Variants in SCAI observed in about 807,000 individuals in gnomAD.
SCAI encodes the protein suppressor of cancer cell invasion.
Under a neutral mutation model 92.2 loss-of-function variants are expected in SCAI, and 24 were observed. The ratio of observed to expected loss-of-function variants is 0.26; its 90% CI spans 0.19 to 0.37. The LOEUF (loss-of-function observed/expected upper bound fraction) is 0.37. Ranked by LOEUF, SCAI falls within the 10% of genes least tolerant of loss-of-function variation. The pLI is 1.00. For missense variants in SCAI, 450 were observed against 736.2 expected (o/e 0.61, Z 4.50); for synonymous variants, 261 against 258.6 (o/e 1.01, Z -0.09).
intron 14 of SCAI, among the ~76,000 whole-genome samples, chr9:124,985,354 A>G (rs1469379735): frequency 6.6e-6 from 1 of 152,162 alleles, no homozygotes; most frequent in Non-Finnish European, 1.5e-5. Flanking sequence ...CCAGATTTCT[A>G]TCAACTAGGT....
At chr9:125,098,955 T>A (rs1033260810) in intron 2 of SCAI, among the ~76,000 whole-genome samples, 1 of 152,062 alleles carries the variant, frequency 6.6e-6, no homozygotes. Flanking sequence ...TTCTTCTCAA[T>A]TGGCAAAATC....
At position 124,983,573 on chromosome 9, in the gene SCAI, G is replaced by A. The variant is rs562062107; in HGVS notation, c.1327-7387C>T. ...TCACCATGTTGGCAAGGCTGGTCTCGAACTCCTGACCTCAGGCAATCCACC... is the reference window on the plus strand; with the variant it reads ...TCACCATGTTGGCAAGGCTGGTCTCAAACTCCTGACCTCAGGCAATCCACC... On this transcript the variant is annotated intron_variant, in intron 14 of 17. Coordinates refer to ENST00000336505, the MANE Select transcript of SCAI (RefSeq NM_001144877.3). 3.9e-4 allele frequency among the ~76,000 whole-genome samples: 60 copies of A among 152,056 alleles called. 1 individual carries two copies. In the South Asian group the frequency reaches 0.012, roughly 30 times the overall value.
chr9:124,991,823 C>A (rs1832132475), intron 14 of SCAI, among the ~76,000 whole-genome samples: 1 of 152,198 alleles, frequency 6.6e-6, no homozygotes, highest in Non-Finnish European at 1.5e-5. Flanking sequence ...GGCGACAGAG[C>A]AAGACTCTGT....
rs532009555 is a variant in SCAI, at chr9:125,112,193, G to A, written c.98+30440C>T. On this transcript the variant is annotated intron_variant, in intron 2 of 17. Transcript: ENST00000336505. ...TGCCCTAGTGATGACAGCCCTAAAC[G>A]GTGATCTGATCCACCTAACAAAGCT... Among the ~76,000 whole-genome samples the A allele has an allele frequency of 7.9e-5, 12 of 152,108 alleles. No individual in the cohort carries two copies. The South Asian group carries it at 1.7e-3, about 21-fold the overall frequency.
chr9:125,009,662 G>A (rs572496895), intron 9 of SCAI, among the ~76,000 whole-genome samples: 2 of 150,218 alleles, frequency 1.3e-5, no homozygotes, highest in Non-Finnish European at 3.0e-5. Flanking sequence ...CAAGCTGGGG[G>A]CAGATCACCT....
At chr9:125,112,523 G>A (rs56296913) in intron 2 of SCAI, among the ~76,000 whole-genome samples, 62,443 of 151,932 alleles carry the variant, frequency 0.41, 13,168 homozygotes, top group East Asian at 0.53. Context: ...TGTCATAACC[G>A]CAACACTGCT....
intron 2 of SCAI, among the ~76,000 whole-genome samples, chr9:125,114,892 G>C (rs1361177972): frequency 6.7e-6 from 1 of 149,902 alleles, no homozygotes; most frequent in Non-Finnish European, 1.5e-5. Context: ...TCCTTCCTCA[G>C]CCTCCCAAGT....
intron 3 of SCAI, among the ~76,000 whole-genome samples, chr9:125,043,697 T>C (rs360196): frequency 0.019 from 2,970 of 152,308 alleles, 89 homozygotes; most frequent in African/African-American, 0.067. Flanking sequence ...CTCCACTCAC[T>C]GCAACCTCTC....
At chr9:124,959,373 A>AT (rs1214924809) in intron 17 of SCAI, among the ~76,000 whole-genome samples, 1 of 150,780 alleles carries the variant, frequency 6.6e-6, no homozygotes, top group South Asian at 2.1e-4. Context: ...GTCTGACAAC[A>AT]ATGTTGGCAA....
At position 125,135,971 on chromosome 9, in the gene SCAI, C is replaced by CAAA. The variant is rs1359728011; in HGVS notation, c.98+6659_98+6661dup. On this transcript the variant is annotated intron_variant, in intron 2 of 17. Transcript: ENST00000336505. ...TCAACAAGCAAAACTCCATCTCAAA[C>CAAA]AAAAAAAAAAAAAACAAAAAAAAAA... Among the ~76,000 whole-genome samples, 150 of 81,050 alleles carry CAAA rather than the reference C, an allele frequency of 1.9e-3. 3 individuals carry two copies. The highest frequency in any genetic ancestry group is 0.017 in the East Asian group (43 of 2,530). The allele number at this position is 81,050 out of a possible 152,430, so 53.2% of individuals were successfully genotyped here.
chr9:125,033,396 G>T (rs1474849950), intron 3 of SCAI, among the ~76,000 whole-genome samples: 1 of 151,992 alleles, frequency 6.6e-6, no homozygotes, highest in Non-Finnish European at 1.5e-5. Flanking sequence ...ACACTTTGTA[G>T]CACAAGTAGG....
intron 2 of SCAI, among the ~76,000 whole-genome samples, chr9:125,117,665 CAAAAAA>C (rs372964615): frequency 4.4e-5 from 2 of 45,250 alleles, no homozygotes; most frequent in Admixed American, 3.1e-4. Flanking sequence ...GACTCCATCT[CAAAAAA>C]AAAAAAAAAA....
intron 17 of SCAI, 60 bp from the exon 18 acceptor site, chr9:124,953,013 A>T (rs1831255017): frequency 7.4e-7 from 1 of 1,349,746 alleles, no homozygotes; most frequent in Non-Finnish European, 1.1e-6. Flanking sequence ...AATTATACAC[A>T]TTGATAACAG....
intron 2 of SCAI, among the ~76,000 whole-genome samples, chr9:125,118,532 A>C (rs1235784367): frequency 6.6e-6 from 1 of 151,954 alleles, no homozygotes; most frequent in Non-Finnish European, 1.5e-5. Context: ...ATAAATAAAT[A>C]AATAAAGCAT....
At chr9:124,979,431 T>C (rs568305469) in intron 14 of SCAI, among the ~76,000 whole-genome samples, 45 of 151,492 alleles carry the variant, frequency 3.0e-4, no homozygotes, top group African/African-American at 9.7e-4. Context: ...TCCCAGCTAC[T>C]AGGTAGGCTG....
At chr9:125,060,161 T>C (rs1287043422) in intron 2 of SCAI, among the ~76,000 whole-genome samples, 1 of 152,118 alleles carries the variant, frequency 6.6e-6, no homozygotes, top group Non-Finnish European at 1.5e-5. Context: ...CATTAGCCTT[T>C]TGTCACTATT....
At chr9:125,004,237 C>T (rs1417084407) in intron 9 of SCAI, among the ~76,000 whole-genome samples, 1 of 152,074 alleles carries the variant, frequency 6.6e-6, no homozygotes, top group Non-Finnish European at 1.5e-5. Flanking sequence ...TGTTAACCTC[C>T]ACAGACTGGT....
intron 3 of SCAI, among the ~76,000 whole-genome samples, chr9:125,044,921 G>A (rs1833403710): frequency 6.6e-6 from 1 of 152,182 alleles, no homozygotes; most frequent in Non-Finnish European, 1.5e-5. Flanking sequence ...ACCTTGCATG[G>A]CGCCAGTGCC....
intron 3 of SCAI, among the ~76,000 whole-genome samples, chr9:125,052,946 A>G (rs1279402636): frequency 6.6e-6 from 1 of 152,084 alleles, no homozygotes; most frequent in African/African-American, 2.4e-5. Context: ...GATGAGAATG[A>G]GGAGAAACTA....
Sources: allele counts gnomAD v4.1 joint callset (sites outside exome capture counted in the v4.1 genomes callset), GRCh38; gene constraint gnomAD v4.1.1; transcripts MANE v1.5; gene names NCBI Gene and HGNC (gene_info 2026-07-23, HGNC 2026-07-21).